ROCK1: variants seen among roughly 807,000 people sequenced by gnomAD.
The protein encoded by ROCK1 is Rho associated coiled-coil containing protein kinase 1.
A neutral mutation model predicts 196.8 loss-of-function variants in ROCK1; 36 were observed. That is an observed-to-expected ratio of 0.18 (90% CI 0.14 to 0.24). The LOEUF is 0.24. Among genes scored for constraint, ROCK1 ranks in the 10% least tolerant of loss-of-function variants. The probability of loss-of-function intolerance (pLI) is 1.00; values close to 1 mark genes in which losing one functional copy is unlikely to be tolerated. For synonymous variants in ROCK1, 443 were observed against 515.9 expected (o/e 0.86, Z 1.91); for missense variants, 920 against 1,562.0 (o/e 0.59, Z 6.93).
intron 16 of ROCK1, among the ~76,000 whole-genome samples, chr18:21,002,441 A>G (rs989198335): frequency 1.3e-5 from 2 of 152,204 alleles, no homozygotes; most frequent in African/African-American, 4.8e-5. Context: ...TATATTTTAA[A>G]AATTCACTAA....
intron 12 of ROCK1, among the ~76,000 whole-genome samples, chr18:21,018,966 A>T (rs955539327): frequency 1.3e-5 from 2 of 152,218 alleles, no homozygotes; most frequent in Non-Finnish European, 2.9e-5. Context: ...TAACTCAAAG[A>T]TATTTTTTCT....
chr18:20,949,830 T>C lies in ROCK1; in HGVS notation c.*1554A>G, dbSNP rs1229855780. 6.5e-6 allele frequency: 1 copy of C among 152,682 alleles called. No individual in the cohort carries two copies. Among genetic ancestry groups the C allele is most frequent in the East Asian group, 1.9e-4 (1 of 5,204 alleles). 9.5% of individuals were successfully genotyped at this position (152,682 alleles called of 1,614,324 possible). ...AGACTAATTTGAAGTATGTTTTCCA[T>C]TCATTTCAGCCATGAGAAAACACAT... On this transcript the variant is annotated 3_prime_UTR_variant, in exon 33 of 33. Coordinates refer to ENST00000399799, the MANE Select transcript of ROCK1 (RefSeq NM_005406.3).
chr18:20,952,759 C>A (rs2035202492), intron 32 of ROCK1, among the ~76,000 whole-genome samples: 1 of 151,004 alleles, frequency 6.6e-6, no homozygotes, highest in Non-Finnish European at 1.5e-5. Flanking sequence ...GCCTGGGTGA[C>A]AGAGTGAGAC....
At chr18:20,984,303 G>T in intron 20 of ROCK1, 48 bp downstream of exon 20, 1 of 1,389,150 alleles carries the variant, frequency 7.2e-7, no homozygotes, top group Non-Finnish European at 1.0e-6. Context: ...ACAAGTCAAT[G>T]ATGAACACAA....
At position 21,073,175 on chromosome 18, in the gene ROCK1, C is replaced by T. The variant is rs2036402097; in HGVS notation, c.94-2562G>A. 2.7e-5 allele frequency among the ~76,000 whole-genome samples: 4 copies of T among 146,168 alleles called. No individual in the cohort carries two copies. The South Asian group carries it at 9.0e-4, about 33-fold the overall frequency. ...ATTACAGTAATTAAATTCTTTGCTA[C>T]TAATAGTTGAACAAGGGTAGTAGAC... On this transcript the variant is annotated intron_variant, in intron 1 of 32. Transcript: ENST00000399799.
chr18:21,109,264 A>G (rs2036728923), intron 1 of ROCK1, among the ~76,000 whole-genome samples: 2 of 152,144 alleles, frequency 1.3e-5, no homozygotes, highest in South Asian at 4.1e-4. Flanking sequence ...GTCATGACTT[A>G]TATTTCCTTG....
At chr18:20,974,730 G>T (rs541260843) in intron 22 of ROCK1, among the ~76,000 whole-genome samples, 1 of 152,162 alleles carries the variant, frequency 6.6e-6, no homozygotes, top group Admixed American at 6.5e-5. Flanking sequence ...ATAAAGAATG[G>T]CTTTGTTCTT....
chr18:21,004,074 C>A (rs555324299), intron 16 of ROCK1, among the ~76,000 whole-genome samples: 1 of 152,208 alleles, frequency 6.6e-6, no homozygotes, highest in African/African-American at 2.4e-5. Context: ...GCCTCTATAG[C>A]CTGAACTTTT....
At chr18:21,105,816 A>T (rs935352874) in intron 1 of ROCK1, among the ~76,000 whole-genome samples, 1 of 152,228 alleles carries the variant, frequency 6.6e-6, no homozygotes, top group Admixed American at 6.5e-5. Flanking sequence ...TTTGGGTATC[A>T]TGTACATAGA....
At chr18:21,075,329 A>G (rs970037235) in intron 1 of ROCK1, among the ~76,000 whole-genome samples, 3 of 152,212 alleles carry the variant, frequency 2.0e-5, no homozygotes, top group African/African-American at 7.2e-5. Flanking sequence ...AAAGAGGAAC[A>G]GGAAGGGTTG....
At chr18:21,066,270 TAAC>T (rs2036333581) in intron 2 of ROCK1, among the ~76,000 whole-genome samples, 1 of 152,190 alleles carries the variant, frequency 6.6e-6, no homozygotes, top group Admixed American at 6.5e-5. Context: ...TTTACACTTA[TAAC>T]ATGTTTATTC....
At chr18:21,012,233 G>A (rs1272061350) in intron 13 of ROCK1, among the ~76,000 whole-genome samples, 1 of 152,180 alleles carries the variant, frequency 6.6e-6, no homozygotes, top group Non-Finnish European at 1.5e-5. Flanking sequence ...TTACAGGTGT[G>A]AACCACCCTA....
In ROCK1 at chr18:21,006,715, G is replaced by T; in HGVS notation, c.1622C>A (p.Ser541Tyr). 1 of 1,602,316 alleles carries T rather than the reference G, an allele frequency of 6.2e-7. No homozygotes were observed. The highest frequency in any genetic ancestry group is 2.2e-5 in the East Asian group (1 of 44,710). The change falls in exon 15 of 33, where the codon TCC becomes TAC. Residue 541 changes from serine (S) to tyrosine (Y), a missense_variant. Around this residue, in one of 6 missense-constraint regions of ROCK1, gnomAD observed 520 missense variants for 657.1 expected, o/e 0.79. Coordinates refer to ENST00000399799, the MANE Select transcript of ROCK1 (RefSeq NM_005406.3). ...AACACTTACCTGCTTTTGTAACTGG[G>T]ACAGCTTCTCATTAGCAAGCTGTGA... ...QNSQLANEKL[S>Y]QLQKQLEEAN...
At chr18:21,046,723 C>CT (rs1358107287) in intron 4 of ROCK1, among the ~76,000 whole-genome samples, 76 of 152,126 alleles carry the variant, frequency 5.0e-4, no homozygotes, top group African/African-American at 1.8e-3. Flanking sequence ...TAGAATTAAA[C>CT]TAAAAAAAAC....
chr18:20,989,065 C>G (rs1175489324), intron 18 of ROCK1, among the ~76,000 whole-genome samples: 5 of 152,008 alleles, frequency 3.3e-5, no homozygotes, highest in Non-Finnish European at 5.9e-5. Context: ...TTGAAAGGTA[C>G]CCTGCAAACA....
In ROCK1 at chr18:21,006,506, T is replaced by C; in HGVS notation, c.1730A>G (p.Gln577Arg). Residue 577 changes from glutamine to arginine, a missense_variant, in exon 16 of 33, where the codon CAG (glutamine) becomes CGG (arginine). This residue lies in a region of ROCK1 where 520 missense variants were observed against 657.1 expected (regional missense o/e 0.79). Coordinates refer to ENST00000399799, the MANE Select transcript of ROCK1 (RefSeq NM_005406.3). ...SHTEMSKSISQLESLNRELQE... is the reference protein window; with the variant it reads ...SHTEMSKSISRLESLNRELQE... ...CAACTCTCTGTTCAGGGACTCTAAC[T>C]GACTAATTGACTTGCTCATCTCTGT... 1 of 1,613,918 alleles carries C rather than the reference T, an allele frequency of 6.2e-7. No homozygotes were observed. Among genetic ancestry groups the C allele is most frequent in the Non-Finnish European group, 8.5e-7 (1 of 1,179,980 alleles).
intron 7 of ROCK1, 39 bp downstream of exon 7, chr18:21,042,526 A>G (rs1159972820): frequency 1.3e-6 from 2 of 1,587,074 alleles, no homozygotes; most frequent in Non-Finnish European, 1.7e-6. Flanking sequence ...TTTGAGATGA[A>G]CAACTGTAAT....
At position 20,959,164 on chromosome 18, in the gene ROCK1, T is replaced by TTA. The variant is rs1364452782; in HGVS notation, c.3512+674_3512+675dup. Among the ~76,000 whole-genome samples, 403 of 72,738 alleles carry TTA rather than the reference T, an allele frequency of 5.5e-3. 20 individuals are homozygous for TTA. The highest frequency in any genetic ancestry group is 0.024 in the African/African-American group (376 of 15,384). The allele number at this position is 72,738 out of a possible 152,430, so 47.7% of individuals were successfully genotyped here. A position where few individuals can be genotyped will look rare whatever the true frequency, so the allele number is the denominator to read the frequency against. On this transcript the variant is annotated intron_variant, in intron 29 of 32. Transcript: ENST00000399799. The stretch of plus-strand genomic sequence containing the variant: ...TTATATAAAATATATATATTATATA[T>TTA]TATATAATATATATAATATTATATA...
At chr18:21,001,764 C>CAAA (rs768401552) in intron 16 of ROCK1, among the ~76,000 whole-genome samples, 2 of 102,182 alleles carry the variant, frequency 2.0e-5, no homozygotes, top group Non-Finnish European at 4.1e-5. Context: ...GGCTCCGTCT[C>CAAA]AAAAAAAAAA....
Sources: allele counts gnomAD v4.1 joint callset (sites outside exome capture counted in the v4.1 genomes callset), GRCh38; gene constraint gnomAD v4.1.1; regional missense constraint gnomAD v4.1.1; transcripts MANE v1.5; gene names NCBI Gene and HGNC (gene_info 2026-07-23, HGNC 2026-07-21).